Variants in EIF2AK4 observed in about 807,000 individuals in gnomAD.
EIF2AK4 encodes the protein eIF-2-alpha kinase GCN2.
In EIF2AK4, 139 loss-of-function variants were observed where a neutral mutation model predicts 211.1. The observed-to-expected ratio is 0.66, with a 90% confidence interval of 0.57 to 0.76. EIF2AK4 has a LOEUF of 0.76. Ranked by LOEUF, EIF2AK4 falls within the 30% of genes least tolerant of loss-of-function variation. The pLI, the probability that EIF2AK4 is intolerant of heterozygous loss-of-function variation, is 0.00. For missense variants in EIF2AK4, 1,664 were observed against 2,043.8 expected (o/e 0.81, Z 3.58); for synonymous variants, 710 against 751.3 (o/e 0.94, Z 0.90).
intron 2 of EIF2AK4, 21 bp from the exon 3 acceptor site, chr15:39,943,351 CTTTTTTTTTTT>C: frequency 1.4e-5 from 12 of 863,056 alleles, no homozygotes; most frequent in Non-Finnish European, 1.8e-5. Context: ...TGGAGTAACT[CTTTTTTTTTTT>C]TTTTTTTTTG....
chr15:40,003,329 A>G lies in EIF2AK4; in HGVS notation c.3357+15A>G, dbSNP rs1364431177. 1 of 1,613,456 alleles carries G rather than the reference A, an allele frequency of 6.2e-7. No individual in the cohort carries two copies. The highest frequency in any genetic ancestry group is 8.5e-7 in the Non-Finnish European group (1 of 1,179,722). ...TTGACCTGCGGGTGAGGCTGGGAAC[A>G]CACTGCTGACAATCAGAATGCTGTA... On this transcript the variant is annotated intron_variant, in intron 23 of 38. Transcript: ENST00000263791.
chr15:39,955,722 T>C lies in EIF2AK4; in HGVS notation c.697T>C (p.Phe233Leu), dbSNP rs2140906200. Residue 233 changes from phenylalanine to leucine, a missense_variant, in exon 6 of 39, where the codon TTT (phenylalanine) becomes CTT (leucine). Around this residue, in one of 7 missense-constraint regions of EIF2AK4, gnomAD observed 641 missense variants for 729.6 expected, o/e 0.88. Transcript: ENST00000263791. ...CATTCTACATGGAGGCTCTCCTGAC[T>C]TTGTAGGAAATGGTAAACATCGGGC... ...AAILHGGSPDFVGNGKHRANS... is the reference protein window; with the variant it reads ...AAILHGGSPDLVGNGKHRANS... The C allele has an allele frequency of 6.2e-7, 1 of 1,612,682 alleles. No homozygotes were observed. The highest frequency in any genetic ancestry group is 2.2e-5 in the East Asian group (1 of 44,772).
chr15:40,021,719 G>A (rs1215952394), intron 31 of EIF2AK4: 3 of 152,384 alleles, frequency 2.0e-5, no homozygotes, highest in Non-Finnish European at 4.4e-5. Flanking sequence ...TGGAATGGGG[G>A]CGTAAGCAGA....
chr15:39,988,227 CATA>C, intron 15 of EIF2AK4, 122 bp downstream of exon 15: 1 of 1,034,624 alleles, frequency 9.7e-7, no homozygotes. Context: ...GGTATATTGA[CATA>C]ATCTATTTTT....
At chr15:39,992,091 C>A in intron 16 of EIF2AK4, 84 bp from the exon 17 acceptor site, 2 of 1,206,922 alleles carry the variant, frequency 1.7e-6, no homozygotes, top group Non-Finnish European at 2.4e-6. Context: ...AATATTTCCT[C>A]AGTCTTCATT....
intron 8 of EIF2AK4, 26 bp from the exon 9 acceptor site, chr15:39,967,318 C>CTTTTTT: frequency 7.3e-7 from 1 of 1,377,550 alleles, no homozygotes; most frequent in Non-Finnish European, 9.7e-7. Context: ...GCCCAATATT[C>CTTTTTT]TTTTTTTTTT....
intron 5 of EIF2AK4, among the ~76,000 whole-genome samples, chr15:39,954,799 C>T (rs971914564): frequency 1.3e-5 from 2 of 152,152 alleles, no homozygotes; most frequent in Non-Finnish European, 2.9e-5. Context: ...TTCTCTTTTA[C>T]ATAAATTAGA....
chr15:39,992,368 C>T (rs1180217866), intron 17 of EIF2AK4, 139 bp downstream of exon 17: 43 of 621,614 alleles, frequency 6.9e-5, no homozygotes, highest in Admixed American at 3.4e-5. Flanking sequence ...ATTATGGAAA[C>T]GTTTTAATCT....
intron 4 of EIF2AK4, among the ~76,000 whole-genome samples, chr15:39,949,729 A>T (rs2034281033): frequency 6.6e-6 from 1 of 152,198 alleles, no homozygotes; most frequent in African/African-American, 2.4e-5. Context: ...ACGCAAACAG[A>T]TTAAAGAAAA....
intron 21 of EIF2AK4, among the ~76,000 whole-genome samples, chr15:40,001,807 C>G (rs558527635): frequency 4.2e-4 from 64 of 152,104 alleles, no homozygotes; most frequent in African/African-American, 1.5e-3. Flanking sequence ...GCCCAGGTCC[C>G]GTAGCCCATC....
chr15:39,992,340 G>T, intron 17 of EIF2AK4, 111 bp downstream of exon 17: 4 of 844,500 alleles, frequency 4.7e-6, no homozygotes, highest in East Asian at 2.7e-5. Flanking sequence ...GATTTTAATT[G>T]CTCCTTAAGT....
Position 40,022,578 on chromosome 15 carries a change from C to T in EIF2AK4, c.4362C>T (p.Val1454=), listed in dbSNP as rs947821429. 1.1e-5 allele frequency: 18 copies of T among 1,614,040 alleles called. No homozygotes were observed. The highest frequency in any genetic ancestry group is 1.4e-5 in the Non-Finnish European group (17 of 1,180,040). The change falls in exon 32 of 39, where the codon GTC becomes GTT. Residue 1454 remains valine (V), a synonymous_variant. Coordinates refer to ENST00000263791, the MANE Select transcript of EIF2AK4 (RefSeq NM_001013703.4). The stretch of plus-strand genomic sequence containing the variant: ...ATGAAATCACCTATGTGGCCCTTGT[C>T]TCGGATAAAGAAGGAAGCCATGTCA... ...RHHEITYVAL[V]SDKEGSHVKV...
intron 27 of EIF2AK4, among the ~76,000 whole-genome samples, chr15:40,013,922 G>A (rs998355876): frequency 6.6e-6 from 1 of 152,200 alleles, no homozygotes; most frequent in African/African-American, 2.4e-5. Flanking sequence ...TCTGAAACAA[G>A]GCAAGTCCCT....
At chr15:39,947,911 A>G (rs927823585) in intron 3 of EIF2AK4, among the ~76,000 whole-genome samples, 15 of 152,262 alleles carry the variant, frequency 9.9e-5, no homozygotes, top group Admixed American at 4.6e-4. Flanking sequence ...CAGCAAAAGA[A>G]AAACCCTCCA....
At chr15:39,965,220 C>G (rs946036083) in intron 7 of EIF2AK4, among the ~76,000 whole-genome samples, 4 of 152,208 alleles carry the variant, frequency 2.6e-5, no homozygotes, top group African/African-American at 9.7e-5. Context: ...CTCCCAGGTT[C>G]AAGCGATTCT....
intron 3 of EIF2AK4, among the ~76,000 whole-genome samples, chr15:39,948,266 A>C (rs1358914729): frequency 6.6e-6 from 1 of 152,226 alleles, no homozygotes; most frequent in African/African-American, 2.4e-5. Context: ...AACGGTTTCA[A>C]ACATATAATG....
In EIF2AK4 at chr15:39,953,094, C is replaced by T. The variant is rs2034342621; in HGVS notation, c.514-810C>T. Among the ~76,000 whole-genome samples, 4 of 152,180 alleles carry T rather than the reference C, an allele frequency of 2.6e-5. No individual in the cohort carries two copies. The South Asian group carries it at 6.2e-4, about 24-fold the overall frequency. ...AACTCCTGACCTTGTGATCCATCCA[C>T]CTTGGCCTCCCAAAGTGCTGGGATT... On this transcript the variant is annotated intron_variant, in intron 4 of 38. Transcript: ENST00000263791.
At chr15:39,945,143 T>A (rs1013895304) in intron 3 of EIF2AK4, among the ~76,000 whole-genome samples, 2 of 145,768 alleles carry the variant, frequency 1.4e-5, no homozygotes, top group Non-Finnish European at 3.0e-5. Context: ...GTGATTTAAA[T>A]TTTTTTTTTT....
intron 24 of EIF2AK4, among the ~76,000 whole-genome samples, chr15:40,007,584 C>T (rs1328812539): frequency 6.6e-6 from 1 of 152,192 alleles, no homozygotes; most frequent in East Asian, 1.9e-4. Context: ...CCACAGGGGT[C>T]CAACACTGAG....
Sources: gnomAD v4.1 joint callset for allele counts (sites outside exome capture counted in the v4.1 genomes callset) on GRCh38, gnomAD v4.1.1 for gene constraint, gnomAD v4.1.1 regional missense constraint, MANE v1.5 for transcripts, NCBI Gene and HGNC (gene_info 2026-07-23, HGNC 2026-07-21) for gene names.